The following ADGRD1 variants were observed in gnomAD, a reference collection of about 807,000 sequenced individuals.
ADGRD1 encodes G-protein coupled receptor 133.
A neutral mutation model predicts 113.4 loss-of-function variants in ADGRD1; 77 were observed. The observed-to-expected ratio is 0.68, with a 90% CI of 0.57 to 0.82. The LOEUF (loss-of-function observed/expected upper bound fraction) is 0.82, where lower values mean the gene tolerates loss of function less well. ADGRD1 is among the 40% of genes least tolerant of loss of function. ADGRD1 has a pLI of 0.00. For synonymous variants in ADGRD1, 474 were observed against 475.0 expected (o/e 1.00, Z 0.03); for missense variants, 1,036 against 1,139.1 (o/e 0.91, Z 1.30).
In ADGRD1 at chr12:131,136,928, C is replaced by G. The variant is rs777032505; in HGVS notation, c.2395-45C>G. ...GAGGAACCTCCAGTGTTCCTAACTA[C>G]GTGCAAAGGGCTCTAATCTCTGCGT... On this transcript the variant is annotated intron_variant, in intron 22 of 24. Transcript: ENST00000261654. 3 of 1,499,438 alleles carry G rather than the reference C, an allele frequency of 2.0e-6. No individual in the cohort carries two copies. The South Asian group carries it at 3.4e-5, about 17-fold the overall frequency. 92.9% of individuals were successfully genotyped at this position (1,499,438 alleles called of 1,614,324 possible).
chr12:131,065,120 C>T (rs1460169156), intron 13 of ADGRD1, among the ~76,000 whole-genome samples: 2 of 152,200 alleles, frequency 1.3e-5, no homozygotes, highest in African/African-American at 4.8e-5. Flanking sequence ...GTAGAAGCCA[C>T]GTGGCCATCC....
At chr12:131,011,636 C>T (rs541878699) in intron 12 of ADGRD1, among the ~76,000 whole-genome samples, 2 of 152,268 alleles carry the variant, frequency 1.3e-5, no homozygotes, top group Admixed American at 6.5e-5. Context: ...GAAATGTCCA[C>T]GGAGGGAAAG....
chr12:131,101,101 A>G (rs945290976), intron 15 of ADGRD1, among the ~76,000 whole-genome samples: 2 of 152,080 alleles, frequency 1.3e-5, no homozygotes, highest in Admixed American at 6.5e-5. Flanking sequence ...TGGGGGAGAG[A>G]CGATGCCCCA....
In ADGRD1 at chr12:131,001,759, A is replaced by G. The variant is rs146014730; in HGVS notation, c.1026+1317A>G. On this transcript the variant is annotated intron_variant, in intron 9 of 24. Coordinates refer to ENST00000261654, the MANE Select transcript of ADGRD1 (RefSeq NM_198827.5). ...TATGTGGTTTCCAAGGTTGCCAGGCAGGGGCAGAGAAGGGTGAGGAGGACT... is the reference window on the plus strand; with the variant it reads ...TATGTGGTTTCCAAGGTTGCCAGGCGGGGGCAGAGAAGGGTGAGGAGGACT... Among the ~76,000 whole-genome samples, 694 of 152,328 alleles carry G rather than the reference A, an allele frequency of 4.6e-3. 5 individuals carry two copies. Among genetic ancestry groups the G allele is most frequent in the African/African-American group, 0.015 (630 of 41,586 alleles).
chr12:131,042,909 G>A (rs1007114228), intron 13 of ADGRD1, among the ~76,000 whole-genome samples: 4 of 152,270 alleles, frequency 2.6e-5, no homozygotes, highest in Admixed American at 1.3e-4. Flanking sequence ...ACAGCTGGGC[G>A]CATTCCCCAG....
chr12:131,101,379 T>TC (rs1310521654), intron 15 of ADGRD1, among the ~76,000 whole-genome samples: 64 of 28,184 alleles, frequency 2.3e-3, no homozygotes, highest in African/African-American at 5.5e-3. Flanking sequence ...CTTTCTTTCT[T>TC]TTTTTTTTTT....
chr12:131,045,498 T>C lies in ADGRD1; in HGVS notation c.1473+31158T>C, dbSNP rs1022691916. Among the ~76,000 whole-genome samples, 8 of 103,008 alleles carry C rather than the reference T, an allele frequency of 7.8e-5. No individual in the cohort carries two copies. In the South Asian group the frequency reaches 1.5e-3, roughly 20 times the overall value. 67.6% of individuals were successfully genotyped at this position (103,008 alleles called of 152,430 possible). A position where few individuals can be genotyped will look rare whatever the true frequency, so the allele number is the denominator to read the frequency against. On this transcript the variant is annotated intron_variant, in intron 13 of 24. Transcript: ENST00000261654. ...CGGGAGCTGCGGCAGGGCAGTGCTG[T>C]ACAGGGACCCCCCCCCACCCCCGCC...
chr12:131,038,003 TCTCA>T (rs1365904470), intron 13 of ADGRD1, among the ~76,000 whole-genome samples: 1 of 145,498 alleles, frequency 6.9e-6, no homozygotes, highest in African/African-American at 2.6e-5. Flanking sequence ...TGCACTGGGG[TCTCA>T]CTCACTGCAT....
chr12:131,119,567 G>C (rs576200834), intron 19 of ADGRD1, among the ~76,000 whole-genome samples: 1 of 152,224 alleles, frequency 6.6e-6, no homozygotes, highest in Admixed American at 6.5e-5. Context: ...ATGCCCGAAA[G>C]CCAGGCAGCA....
chr12:131,075,228 G>A lies in ADGRD1; in HGVS notation c.1474-1573G>A, dbSNP rs1426624047. On this transcript the variant is annotated intron_variant, in intron 13 of 24. Coordinates refer to ENST00000261654, the MANE Select transcript of ADGRD1 (RefSeq NM_198827.5). The surrounding 1 kb of genome is among the most constrained non-coding windows in gnomAD (Gnocchi z 5.3). Reference sequence around the variant, plus strand: ...TATAACGCTGTCTGCTGGAGGCTTTGGCCCTGGTGTAGCCTGGGCCCAAGG... The same window carrying A: ...TATAACGCTGTCTGCTGGAGGCTTTAGCCCTGGTGTAGCCTGGGCCCAAGG... 6.6e-6 allele frequency among the ~76,000 whole-genome samples: 1 copy of A among 152,094 alleles called. No homozygotes were observed. Among genetic ancestry groups the A allele is most frequent in the African/African-American group, 2.4e-5 (1 of 41,414 alleles).
intron 20 of ADGRD1, among the ~76,000 whole-genome samples, chr12:131,122,405 C>T (rs983435929): frequency 6.6e-6 from 1 of 152,078 alleles, no homozygotes. Context: ...GTCTGGGGGC[C>T]GCAGCGCCTC....
intron 6 of ADGRD1, chr12:130,987,614 T>C (rs1046042870): frequency 5.3e-5 from 27 of 511,904 alleles, no homozygotes; most frequent in Admixed American, 6.7e-5. Flanking sequence ...TGGACGATTA[T>C]AGAAGGCTTT....
chr12:131,089,380 A>G (rs373354832), intron 15 of ADGRD1, among the ~76,000 whole-genome samples: 3 of 152,322 alleles, frequency 2.0e-5, no homozygotes, highest in East Asian at 1.9e-4. Flanking sequence ...AGCTCTGCAG[A>G]GTGGGCACCG....
chr12:131,057,450 C>T lies in ADGRD1; in HGVS notation c.1474-19351C>T, dbSNP rs1480066227. ...TGGCTTTAAACAGCAGAAAGCCGTT[C>T]TCCTGCAGCTCTTGAGTCCACGAGT... On this transcript the variant is annotated intron_variant, in intron 13 of 24. Coordinates refer to ENST00000261654, the MANE Select transcript of ADGRD1 (RefSeq NM_198827.5). This position sits in a 1 kb window ranked among gnomAD's most constrained non-coding sequence, Gnocchi z 4.2. Among the ~76,000 whole-genome samples, 1 of 152,162 alleles carries T rather than the reference C, an allele frequency of 6.6e-6. No homozygotes were observed. Among genetic ancestry groups the T allele is most frequent in the Non-Finnish European group, 1.5e-5 (1 of 68,036 alleles).
chr12:131,041,868 A>G lies in ADGRD1; in HGVS notation c.1473+27528A>G, dbSNP rs185122069. Among the ~76,000 whole-genome samples the G allele has an allele frequency of 2.6e-3, 391 of 152,234 alleles. No individual in the cohort carries two copies. Among genetic ancestry groups the G allele is most frequent in the African/African-American group, 9.1e-3 (380 of 41,552 alleles). ...TCCTCCTTTCCTGGGTTATTTTTCT[A>G]GATGCCACTGCTGACATTGACATGA... On this transcript the variant is annotated intron_variant, in intron 13 of 24. Transcript: ENST00000261654. This position sits in a 1 kb window ranked among gnomAD's most constrained non-coding sequence, Gnocchi z 4.4.
At chr12:131,083,060 C>T (rs1593181690) in intron 14 of ADGRD1, among the ~76,000 whole-genome samples, 1 of 152,218 alleles carries the variant, frequency 6.6e-6, no homozygotes, top group African/African-American at 2.4e-5. Flanking sequence ...CAGAGAGGTA[C>T]AAGCTGGGGT....
At chr12:131,056,041 G>A (rs1166686783) in intron 13 of ADGRD1, among the ~76,000 whole-genome samples, 2 of 152,186 alleles carry the variant, frequency 1.3e-5, no homozygotes, top group African/African-American at 4.8e-5. Context: ...GGGAGCTCCT[G>A]ATATGGTCCC....
chr12:131,086,024 G>A (rs1437331027), intron 15 of ADGRD1, among the ~76,000 whole-genome samples: 1 of 152,160 alleles, frequency 6.6e-6, no homozygotes, highest in East Asian at 1.9e-4. Flanking sequence ...CCCGGGAGGG[G>A]GCACCAAGCT....
At chr12:131,135,295 A>G (rs1951045115) in intron 21 of ADGRD1, among the ~76,000 whole-genome samples, 1 of 152,100 alleles carries the variant, frequency 6.6e-6, no homozygotes, top group African/African-American at 2.4e-5. Context: ...TTATTATACA[A>G]TGGGGTCAAT....
Sources: allele counts gnomAD v4.1 joint callset (sites outside exome capture counted in the v4.1 genomes callset), GRCh38; gene constraint gnomAD v4.1.1; non-coding constraint Gnocchi (gnomAD v3.1); transcripts MANE v1.5; gene names NCBI Gene and HGNC (gene_info 2026-07-23, HGNC 2026-07-21).